Variants in FANCA observed in about 807,000 individuals in gnomAD.
The protein encoded by FANCA is FA complementation group A.
Under a neutral mutation model 194.3 loss-of-function variants are expected in FANCA, and 236 were observed. The ratio of observed to expected loss-of-function variants is 1.21; its 90% CI spans 1.09 to 1.35. The LOEUF (loss-of-function observed/expected upper bound fraction) is 1.35, where lower values mean the gene tolerates loss of function less well. Ranked by LOEUF, FANCA falls within the 40% of genes most tolerant of loss-of-function variation. The pLI, the probability that FANCA is intolerant of heterozygous loss-of-function variation, is 0.00. For missense variants in FANCA, 2,628 were observed against 1,813.9 expected, an observed-to-expected ratio of 1.45 and a Z score of -8.15; for synonymous variants, 1,014 against 715.8, an observed-to-expected ratio of 1.42 and a Z score of -6.65.
chr16:89,791,505 G>A lies in FANCA; in HGVS notation c.1257C>T (p.Phe419=), dbSNP rs764140346. The change falls in exon 14 of 43, where the codon TTC becomes TTT. Residue 419 remains phenylalanine (F), a synonymous_variant. Transcript: ENST00000389301. ...DWVARLMAQA[F]ESCQLDSMVT... Reference sequence around the variant, plus strand: ...CCATGCTGTCCAGCTGGCAGCTCTCGAATGCCTGGGCCATCAAACGCGCCA... The same window carrying A: ...CCATGCTGTCCAGCTGGCAGCTCTCAAATGCCTGGGCCATCAAACGCGCCA... 1.7e-5 allele frequency: 28 copies of A among 1,614,118 alleles called. No homozygotes were observed. Among genetic ancestry groups the A allele is most frequent in the Admixed American group, 3.3e-5 (2 of 60,008 alleles).
At chr16:89,789,583 G>A (rs2040002843) in intron 14 of FANCA, among the ~76,000 whole-genome samples, 1 of 151,684 alleles carries the variant, frequency 6.6e-6, no homozygotes, top group Non-Finnish European at 1.5e-5. Flanking sequence ...AGGACCACAG[G>A]TGCTTACCAC....
chr16:89,739,425 TG>T, intron 40 of FANCA, 52 bp downstream of exon 40: 4 of 1,553,342 alleles, frequency 2.6e-6, no homozygotes, highest in Non-Finnish European at 3.5e-6. Flanking sequence ...GGTGCTGAGA[TG>T]GGGGTCTGGG....
At chr16:89,753,227 C>A (rs12164958) in intron 30 of FANCA, among the ~76,000 whole-genome samples, 1 of 152,196 alleles carries the variant, frequency 6.6e-6, no homozygotes, top group Non-Finnish European at 1.5e-5. Flanking sequence ...CGTGACCTTA[C>A]CTATCATTGG....
chr16:89,754,329 G>GA (rs1313051661), intron 30 of FANCA, among the ~76,000 whole-genome samples: 1 of 152,052 alleles, frequency 6.6e-6, no homozygotes, highest in East Asian at 1.9e-4. Context: ...GATAGGAAAG[G>GA]AAAAAGTGAA....
chr16:89,771,155 C>CAAAAAAAAAAAAAAAAAAAA (rs34471552), intron 23 of FANCA, among the ~76,000 whole-genome samples: 2 of 56,648 alleles, frequency 3.5e-5, no homozygotes, highest in African/African-American at 1.5e-4. Flanking sequence ...AAGACTCAGT[C>CAAAAAAAAAAAAAAAAAAAA]AAAAAAAAAA....
At chr16:89,744,685 TC>T in intron 36 of FANCA, 1 of 468,078 alleles carries the variant, frequency 2.1e-6, no homozygotes, top group African/African-American at 2.0e-5. Flanking sequence ...TTGTTTTTTT[TC>T]TGGACAGAGT....
chr16:89,810,324 A>G (rs1487867804), intron 5 of FANCA, among the ~76,000 whole-genome samples: 1 of 101,202 alleles, frequency 9.9e-6, no homozygotes, highest in South Asian at 4.0e-4. Context: ...CTTCGTCTCA[A>G]AAAAAAAAAA....
intron 11 of FANCA, among the ~76,000 whole-genome samples, chr16:89,795,046 A>G (rs925974377): frequency 6.6e-6 from 1 of 152,196 alleles, no homozygotes; most frequent in African/African-American, 2.4e-5. Context: ...GTATTTTGGG[A>G]GGCCGAGACG....
chr16:89,800,651 G>C (rs536991420), intron 8 of FANCA, among the ~76,000 whole-genome samples: 1 of 152,290 alleles, frequency 6.6e-6, no homozygotes, highest in Non-Finnish European at 1.5e-5. Flanking sequence ...CACTGCCTGA[G>C]GTCAAAATAT....
At chr16:89,754,235 CAAAACAA>C (rs2038696321) in intron 30 of FANCA, among the ~76,000 whole-genome samples, 1 of 144,740 alleles carries the variant, frequency 6.9e-6, no homozygotes, top group African/African-American at 2.5e-5. Flanking sequence ...AAAAAAAAAA[CAAAACAA>C]AACAACAACA....
intron 14 of FANCA, among the ~76,000 whole-genome samples, chr16:89,787,331 G>C (rs1172165743): frequency 6.6e-6 from 1 of 152,096 alleles, no homozygotes; most frequent in Admixed American, 6.6e-5. Flanking sequence ...AGACCATCCT[G>C]GCTAACCCGG....
In FANCA at chr16:89,746,684, A is replaced by G. The variant is rs1313353955; in HGVS notation, c.3413T>C (p.Leu1138Pro). 1.2e-6 allele frequency: 2 copies of G among 1,613,984 alleles called. No homozygotes were observed. Among genetic ancestry groups the G allele is most frequent in the Non-Finnish European group, 1.7e-6 (2 of 1,179,926 alleles). Reference protein sequence around the residue: ...QDITAHFFRGLLNACLRSRDP... With the variant: ...QDITAHFFRGPLNACLRSRDP... ...TCTGCTCCGCAGACAGGCGTTCAGG[A>G]GGCCCTGCAGGAGAGAACGCAGCAG... Residue 1138 changes from leucine to proline, a missense_variant, in exon 35 of 43, where the codon CTC becomes CCC. Physicochemically the swap from Leu to Pro is moderately conservative, Grantham distance 98. Coordinates refer to ENST00000389301, the MANE Select transcript of FANCA (RefSeq NM_000135.4).
In FANCA at chr16:89,738,215, A is replaced by G; in HGVS notation, c.*386T>C. ...CCACCGAGCCCCTCTGTGACCACAGAGGGCCAGGCGGTGAAGCCCGAACCC... is the reference window on the plus strand; with the variant it reads ...CCACCGAGCCCCTCTGTGACCACAGGGGGCCAGGCGGTGAAGCCCGAACCC... On this transcript the variant is annotated 3_prime_UTR_variant, in exon 43 of 43. Transcript: ENST00000389301. The G allele has an allele frequency of 6.2e-7, 1 of 1,609,968 alleles. No individual in the cohort carries two copies. Among genetic ancestry groups the G allele is most frequent in the South Asian group, 1.1e-5 (1 of 90,638 alleles).
chr16:89,809,940 C>T (rs1042420371), intron 5 of FANCA, among the ~76,000 whole-genome samples: 4 of 151,264 alleles, frequency 2.6e-5, no homozygotes, highest in Non-Finnish European at 1.5e-5. Context: ...GCAGGACAAT[C>T]GCTTGAACCT....
At chr16:89,783,977 T>A (rs1348803979) in intron 15 of FANCA, among the ~76,000 whole-genome samples, 2 of 151,994 alleles carry the variant, frequency 1.3e-5, no homozygotes, top group Non-Finnish European at 2.9e-5. Context: ...GTCAGGCTGG[T>A]CTCGAACTCC....
At chr16:89,799,376 C>A (rs2040361977) in intron 9 of FANCA, 144 bp from the exon 10 acceptor site, 2 of 1,028,012 alleles carry the variant, frequency 1.9e-6, no homozygotes, top group Non-Finnish European at 1.5e-6. Flanking sequence ...AATCTGTAGG[C>A]CTTAATCAAA....
At chr16:89,774,521 G>C (rs2039428613) in intron 21 of FANCA, among the ~76,000 whole-genome samples, 5 of 151,148 alleles carry the variant, frequency 3.3e-5, no homozygotes, top group African/African-American at 1.2e-4. Context: ...ACGAGGTCAG[G>C]AGATTGAGAC....
At chr16:89,755,810 GCA>G (rs2038747809) in intron 30 of FANCA, among the ~76,000 whole-genome samples, 1 of 152,154 alleles carries the variant, frequency 6.6e-6, no homozygotes, top group African/African-American at 2.4e-5. Context: ...ACATCCAAGA[GCA>G]CAGACACAGA....
chr16:89,791,833 C>T (rs2143528664), intron 13 of FANCA, 94 bp downstream of exon 13: 2 of 1,514,326 alleles, frequency 1.3e-6, no homozygotes, highest in Non-Finnish European at 1.8e-6. Flanking sequence ...GGAAGGGCTT[C>T]ACTGAGAGGC....
Sources: allele counts gnomAD v4.1 joint callset (sites outside exome capture counted in the v4.1 genomes callset), GRCh38; gene constraint gnomAD v4.1.1; transcripts MANE v1.5; gene names NCBI Gene and HGNC (gene_info 2026-07-23, HGNC 2026-07-21).